Variants in RANBP2 observed in about 807,000 individuals in gnomAD.
RANBP2 encodes RAN binding protein 2, also known as E3 SUMO-protein ligase RanBP2.
A neutral mutation model predicts 303.6 loss-of-function variants in RANBP2; 57 were observed. The ratio of observed to expected loss-of-function variants is 0.19; its 90% CI spans 0.15 to 0.23. The LOEUF is 0.23. Ranked by LOEUF, RANBP2 falls within the 10% of genes least tolerant of loss-of-function variation. RANBP2 has a pLI of 1.00. For synonymous variants in RANBP2, 1,167 were observed against 1,301.5 expected (o/e 0.90, Z 2.23); for missense variants, 3,138 against 3,780.8 (o/e 0.83, Z 4.46).
the RANBP2 span, among the ~76,000 whole-genome samples, chr2:109,116,889 AGG>A: frequency 1.3e-5 from 2 of 152,232 alleles, no homozygotes; most frequent in Admixed American, 1.3e-4. Context: ...AGTTTGCTAG[AGG>A]TCCACTCCAG....
the RANBP2 span, among the ~76,000 whole-genome samples, chr2:109,570,914 T>C: frequency 6.6e-6 from 1 of 152,198 alleles, no homozygotes; most frequent in African/African-American, 2.4e-5. Context: ...GGCTTAACCA[T>C]GGCGACATGG....
At chr2:109,203,194 G>A in the RANBP2 span, among the ~76,000 whole-genome samples, 7 of 152,162 alleles carry the variant, frequency 4.6e-5, no homozygotes, top group African/African-American at 1.7e-4. Flanking sequence ...TGCCTTGCCC[G>A]CAAGAAGGAC....
At chr2:108,966,006 T>C in the RANBP2 span, among the ~76,000 whole-genome samples, 2 of 152,200 alleles carry the variant, frequency 1.3e-5, no homozygotes, top group African/African-American at 4.8e-5. Context: ...GAGTGACACC[T>C]TCCCTTTTAC....
chr2:109,438,524 A>C, the RANBP2 span, among the ~76,000 whole-genome samples: 2 of 152,232 alleles, frequency 1.3e-5, no homozygotes, highest in Non-Finnish European at 2.9e-5. Flanking sequence ...CTACTCTGCC[A>C]TCTCAGATTC....
the RANBP2 span, among the ~76,000 whole-genome samples, chr2:108,813,590 T>TA: frequency 2.0e-5 from 3 of 152,222 alleles, no homozygotes; most frequent in Non-Finnish European, 4.4e-5. Context: ...TGGATTTCCA[T>TA]ATGTCTTTTT....
chr2:109,365,364 T>C, the RANBP2 span, among the ~76,000 whole-genome samples: 1 of 152,228 alleles, frequency 6.6e-6, no homozygotes, highest in Non-Finnish European at 1.5e-5. Flanking sequence ...CAGGCCCTCC[T>C]AGCCGAGCAC....
At chr2:109,679,008 G>A in the RANBP2 span, among the ~76,000 whole-genome samples, 5 of 152,322 alleles carry the variant, frequency 3.3e-5, no homozygotes, top group African/African-American at 9.6e-5. Flanking sequence ...AAGGCACCTC[G>A]AACACTGGAC....
chr2:108,776,032 A>G, intron 24 of RANBP2, 96 bp downstream of exon 24: 1 of 1,095,616 alleles, frequency 9.1e-7, no homozygotes, highest in South Asian at 1.4e-5. Context: ...ACTCCCTTTA[A>G]AACACATTTT....
chr2:108,927,288 T>C, the RANBP2 span, among the ~76,000 whole-genome samples: 1 of 152,120 alleles, frequency 6.6e-6, no homozygotes, highest in African/African-American at 2.4e-5. Context: ...CACTGTCCCA[T>C]GGAGTAGGGC....
chr2:108,815,938 T>C, the RANBP2 span: 7 of 1,599,442 alleles, frequency 4.4e-6, no homozygotes, highest in African/African-American at 1.4e-5. Context: ...TTTTGACATA[T>C]AGGTACCACT....
At chr2:109,613,079 G>A in the RANBP2 span, 1 of 683,352 alleles carries the variant, frequency 1.5e-6, no homozygotes, top group Non-Finnish European at 2.3e-6. Context: ...CACAGGCATC[G>A]GGCCTCCAAA....
the RANBP2 span, among the ~76,000 whole-genome samples, chr2:108,909,755 C>T: frequency 6.6e-6 from 1 of 152,208 alleles, no homozygotes; most frequent in East Asian, 1.9e-4. Context: ...GATTTTAGAG[C>T]AGGGGCTGGT....
At chr2:109,365,759 G>A in the RANBP2 span, among the ~76,000 whole-genome samples, 1 of 152,154 alleles carries the variant, frequency 6.6e-6, no homozygotes, top group Non-Finnish European at 1.5e-5. Context: ...ATGGAGAAAT[G>A]TACAATTTGC....
At chr2:109,296,221 C>CTATTAT in the RANBP2 span, among the ~76,000 whole-genome samples, 4,037 of 151,404 alleles carry the variant, frequency 0.027, 185 homozygotes, top group African/African-American at 0.094. Context: ...ACAGAATGAC[C>CTATTAT]TAGTATTATT....
At chr2:109,102,342 C>T in the RANBP2 span, among the ~76,000 whole-genome samples, 11 of 151,656 alleles carry the variant, frequency 7.3e-5, no homozygotes, top group Non-Finnish European at 1.0e-4. Flanking sequence ...CCTCGTGATC[C>T]GCCTGCCTCG....
the RANBP2 span, among the ~76,000 whole-genome samples, chr2:109,370,342 C>T: frequency 3.8e-4 from 58 of 152,020 alleles, no homozygotes; most frequent in African/African-American, 1.4e-3. Flanking sequence ...CGGGTTCAAG[C>T]GATTCTCCTG....
chr2:108,864,401 G>A, the RANBP2 span, among the ~76,000 whole-genome samples: 1 of 152,194 alleles, frequency 6.6e-6, no homozygotes, highest in African/African-American at 2.4e-5. Context: ...GGTGGCCTAT[G>A]CCTGTAATTT....
At chr2:109,092,228 A>C in the RANBP2 span, among the ~76,000 whole-genome samples, 2 of 152,146 alleles carry the variant, frequency 1.3e-5, no homozygotes, top group Non-Finnish European at 2.9e-5. Flanking sequence ...GTAAGCCCTG[A>C]GGAACAGGCC....
chr2:109,358,529 G>A, the RANBP2 span, among the ~76,000 whole-genome samples: 301 of 152,288 alleles, frequency 2.0e-3, no homozygotes, highest in African/African-American at 3.7e-3. Flanking sequence ...GTGAATGAGC[G>A]TTCCTGTTGC....
Sources: allele counts gnomAD v4.1 joint callset (sites outside exome capture counted in the v4.1 genomes callset), GRCh38; gene constraint gnomAD v4.1.1; transcripts MANE v1.5; gene names NCBI Gene and HGNC (gene_info 2026-07-23, HGNC 2026-07-21).